MDGA2: variants seen among roughly 807,000 people sequenced by gnomAD.
MDGA2 encodes MAM domain containing glycosylphosphatidylinositol anchor 2.
In MDGA2, 40 loss-of-function variants were observed where a neutral mutation model predicts 117.8. That is an observed-to-expected ratio of 0.34 (90% CI 0.26 to 0.44). MDGA2 has a LOEUF of 0.44. MDGA2 is among the 20% of genes least tolerant of loss of function. The probability of loss-of-function intolerance (pLI) is 1.00; values close to 1 mark genes in which losing one functional copy is unlikely to be tolerated. For synonymous variants in MDGA2, 452 were observed against 439.0 expected (o/e 1.03, Z -0.37); for missense variants, 1,123 against 1,250.6 (o/e 0.90, Z 1.54).
intron 9 of MDGA2, among the ~76,000 whole-genome samples, chr14:46,933,743 C>T (rs1380060822): frequency 1.4e-5 from 2 of 142,406 alleles, no homozygotes; most frequent in Non-Finnish European, 3.0e-5. Flanking sequence ...TCACCCATGG[C>T]TTCTTTTTGA....
chr14:47,609,456 T>TATATATATATATATATATAG (rs1434045282), intron 1 of MDGA2, among the ~76,000 whole-genome samples: 3 of 110,162 alleles, frequency 2.7e-5, no homozygotes, highest in Admixed American at 8.9e-5. Flanking sequence ...TATATATATA[T>TATATATATATATATATATAG]ATATATATAA....
intron 3 of MDGA2, among the ~76,000 whole-genome samples, chr14:47,172,212 G>C (rs1200068271): frequency 1.3e-5 from 2 of 152,244 alleles, no homozygotes; most frequent in Non-Finnish European, 2.9e-5. Flanking sequence ...CCCGCCTCTG[G>C]GGGCAGGGCA....
chr14:47,068,878 G>C (rs185101173), intron 6 of MDGA2, among the ~76,000 whole-genome samples: 2 of 152,056 alleles, frequency 1.3e-5, no homozygotes, highest in African/African-American at 4.8e-5. Flanking sequence ...TACCTTTCTT[G>C]AGCTTTTTTG....
intron 5 of MDGA2, among the ~76,000 whole-genome samples, chr14:47,128,032 T>G (rs1881991407): frequency 6.6e-6 from 1 of 152,126 alleles, no homozygotes; most frequent in Non-Finnish European, 1.5e-5. Flanking sequence ...CTGGAGTCAA[T>G]CTAGTCCCCA....
At chr14:47,416,186 A>G (rs28767324) in intron 1 of MDGA2, among the ~76,000 whole-genome samples, 96,958 of 151,926 alleles carry the variant, frequency 0.64, 31,053 homozygotes, top group Middle Eastern at 0.73. Context: ...GGTATACTTC[A>G]TCCTGAGGGA....
At chr14:47,034,841 T>C (rs564781427) in intron 8 of MDGA2, among the ~76,000 whole-genome samples, 170 bp downstream of exon 8, 30 of 152,190 alleles carry the variant, frequency 2.0e-4, no homozygotes, top group African/African-American at 5.3e-4. Flanking sequence ...ATAGTTTAAA[T>C]TGTGTATCAT....
At chr14:47,075,707 T>C (rs1300788359) in intron 6 of MDGA2, among the ~76,000 whole-genome samples, 4 of 152,130 alleles carry the variant, frequency 2.6e-5, no homozygotes, top group African/African-American at 4.8e-5. Flanking sequence ...ATAAAGTAAA[T>C]AGAAAAACTC....
chr14:47,351,892 C>T (rs930327891), intron 1 of MDGA2, among the ~76,000 whole-genome samples: 1 of 134,186 alleles, frequency 7.5e-6, no homozygotes, highest in African/African-American at 2.8e-5. Context: ...GTTATATGCT[C>T]TCTAAATTAA....
chr14:47,150,473 C>G (rs1194818490), intron 3 of MDGA2, among the ~76,000 whole-genome samples: 1 of 152,076 alleles, frequency 6.6e-6, no homozygotes, highest in Non-Finnish European at 1.5e-5. Context: ...GTAAAAGGAA[C>G]CCAGCAGAAC....
intron 6 of MDGA2, among the ~76,000 whole-genome samples, chr14:47,086,926 T>A (rs1160659377): frequency 2.6e-5 from 4 of 152,214 alleles, no homozygotes; most frequent in African/African-American, 9.6e-5. Context: ...CCCTGATATC[T>A]TTGTGCATAA....
intron 1 of MDGA2, among the ~76,000 whole-genome samples, chr14:47,659,732 A>G (rs1254322350): frequency 2.6e-5 from 4 of 152,244 alleles, no homozygotes; most frequent in Non-Finnish European, 5.9e-5. Flanking sequence ...AAGCAGAGAA[A>G]GACTTTAAAA....
At chr14:47,554,845 ACAAAAGTTATT>A (rs1052599214) in intron 1 of MDGA2, among the ~76,000 whole-genome samples, 1 of 152,314 alleles carries the variant, frequency 6.6e-6, no homozygotes, top group African/African-American at 2.4e-5. Context: ...GAAACTGAGA[ACAAAAGTTATT>A]CACCACTAGC....
intron 7 of MDGA2, among the ~76,000 whole-genome samples, chr14:47,058,083 G>A (rs1889750339): frequency 1.3e-5 from 2 of 151,874 alleles, no homozygotes; most frequent in Admixed American, 1.3e-4. Context: ...TTCTGTCTCA[G>A]GTAAAAATGC....
At chr14:47,039,837 G>A (rs1358513154) in intron 7 of MDGA2, among the ~76,000 whole-genome samples, 1 of 151,994 alleles carries the variant, frequency 6.6e-6, no homozygotes, top group Non-Finnish European at 1.5e-5. Context: ...TGTAAAACAT[G>A]TTACTGTTCA....
chr14:46,997,674 C>G (rs1319031904), intron 8 of MDGA2, among the ~76,000 whole-genome samples: 2 of 151,986 alleles, frequency 1.3e-5, no homozygotes, highest in Admixed American at 6.6e-5. Flanking sequence ...TTACTGCTGC[C>G]AAAAATGCAT....
At chr14:47,319,425 G>C (rs1889911242) in intron 1 of MDGA2, among the ~76,000 whole-genome samples, 1 of 152,038 alleles carries the variant, frequency 6.6e-6, no homozygotes, top group South Asian at 2.1e-4. Flanking sequence ...TCATCTTAAA[G>C]TATTAAATAT....
intron 5 of MDGA2, among the ~76,000 whole-genome samples, chr14:47,128,470 C>CA (rs1417549524): frequency 4.6e-5 from 7 of 151,510 alleles, no homozygotes; most frequent in African/African-American, 1.5e-4. Flanking sequence ...CTATATATTT[C>CA]AAAAAAATTA....
chr14:47,053,662 C>G (rs1040426763), intron 7 of MDGA2, among the ~76,000 whole-genome samples: 1 of 140,666 alleles, frequency 7.1e-6, no homozygotes, highest in African/African-American at 2.6e-5. Flanking sequence ...TATACACACA[C>G]ACACACACAT....
At chr14:47,454,037 A>G (rs776092502) in intron 1 of MDGA2, among the ~76,000 whole-genome samples, 1 of 152,374 alleles carries the variant, frequency 6.6e-6, no homozygotes, top group South Asian at 2.1e-4. Flanking sequence ...TATAGCATAC[A>G]TTACTTTGAA....
Sources: allele counts gnomAD v4.1 joint callset (sites outside exome capture counted in the v4.1 genomes callset), GRCh38; gene constraint gnomAD v4.1.1; transcripts MANE v1.5; gene names NCBI Gene and HGNC (gene_info 2026-07-23, HGNC 2026-07-21).